ZFPM2: variants seen among roughly 807,000 people sequenced by gnomAD.
The protein encoded by ZFPM2 is zinc finger protein ZFPM2.
Under a neutral mutation model 98.6 loss-of-function variants are expected in ZFPM2, and 20 were observed. The observed-to-expected ratio is 0.20, with a 90% confidence interval of 0.14 to 0.29. The LOEUF is 0.29. ZFPM2 is among the 10% of genes least tolerant of loss of function. The probability of loss-of-function intolerance (pLI) is 1.00; values close to 1 mark genes in which losing one functional copy is unlikely to be tolerated. For synonymous variants in ZFPM2, 518 were observed against 502.7 expected (o/e 1.03, Z -0.41); for missense variants, 1,310 against 1,388.6 (o/e 0.94, Z 0.90).
intron 5 of ZFPM2, among the ~76,000 whole-genome samples, chr8:105,744,102 CG>C (rs1812287442): frequency 1.3e-5 from 2 of 152,006 alleles, no homozygotes; most frequent in African/African-American, 4.8e-5. Context: ...ATAGGCAAAC[CG>C]TGAAAATGAT....
chr8:105,648,904 A>G (rs575674611), intron 5 of ZFPM2, among the ~76,000 whole-genome samples: 1 of 152,254 alleles, frequency 6.6e-6, no homozygotes, highest in African/African-American at 2.4e-5. Flanking sequence ...GTTTTTCCCA[A>G]TTCTGTGAAG....
chr8:105,406,362 G>A (rs1329775221), intron 1 of ZFPM2, among the ~76,000 whole-genome samples: 1 of 151,964 alleles, frequency 6.6e-6, no homozygotes, highest in Non-Finnish European at 1.5e-5. Context: ...CAAGCAATGG[G>A]GAAAGGATTC....
At chr8:105,346,298 C>T (rs1435695072) in intron 1 of ZFPM2, among the ~76,000 whole-genome samples, 5 of 151,580 alleles carry the variant, frequency 3.3e-5, no homozygotes, top group Non-Finnish European at 5.9e-5. Context: ...GCAGGAGAAT[C>T]GCTTGAACCC....
chr8:105,764,833 C>G (rs1812822660), intron 5 of ZFPM2, among the ~76,000 whole-genome samples: 1 of 151,658 alleles, frequency 6.6e-6, no homozygotes, highest in Admixed American at 6.6e-5. Flanking sequence ...AGAAAAAACA[C>G]CAAGTATTTG....
At chr8:105,744,783 T>C (rs977748697) in intron 5 of ZFPM2, among the ~76,000 whole-genome samples, 3 of 152,058 alleles carry the variant, frequency 2.0e-5, no homozygotes, top group African/African-American at 7.2e-5. Context: ...CATGGCACAT[T>C]TGAAAAGCTT....
At chr8:105,692,648 C>T (rs1810914686) in intron 5 of ZFPM2, among the ~76,000 whole-genome samples, 1 of 152,136 alleles carries the variant, frequency 6.6e-6, no homozygotes, top group Non-Finnish European at 1.5e-5. Context: ...TTGGCATTTG[C>T]CTTAGAAATA....
intron 3 of ZFPM2, among the ~76,000 whole-genome samples, chr8:105,538,267 T>A (rs1006992654): frequency 2.6e-5 from 4 of 151,966 alleles, no homozygotes; most frequent in African/African-American, 9.7e-5. Flanking sequence ...TTACTTTATA[T>A]AATTACTTTG....
At chr8:105,348,771 A>C (rs1217906177) in intron 1 of ZFPM2, among the ~76,000 whole-genome samples, 1 of 152,180 alleles carries the variant, frequency 6.6e-6, no homozygotes, top group Non-Finnish European at 1.5e-5. Context: ...GAAAGTCAAC[A>C]TTCCCTTTTG....
chr8:105,575,416 G>T (rs1815445479), intron 4 of ZFPM2, among the ~76,000 whole-genome samples: 2 of 152,156 alleles, frequency 1.3e-5, no homozygotes, highest in Admixed American at 1.3e-4. Context: ...GGGAAAAGAG[G>T]ATTCAAAATG....
intron 2 of ZFPM2, among the ~76,000 whole-genome samples, chr8:105,430,124 T>C (rs1586366230): frequency 2.0e-5 from 3 of 152,288 alleles, no homozygotes; most frequent in East Asian, 3.9e-4. Flanking sequence ...GAAAGATAGT[T>C]CTGACCTTTA....
rs765404652 is a variant in ZFPM2 at position 105,802,180 on chromosome 8, G to A, written c.2098G>A (p.Glu700Lys). 30 of 1,613,772 alleles carry A rather than the reference G, an allele frequency of 1.9e-5. No individual in the cohort carries two copies. The highest frequency in any genetic ancestry group is 2.2e-5 in the Non-Finnish European group (26 of 1,179,872). Residue 700 changes from glutamate to lysine, a missense_variant, in exon 8 of 8, where the codon GAA becomes AAA. By Grantham distance (56) the Glu-to-Lys change is moderately conservative. Transcript: ENST00000407775. The stretch of plus-strand genomic sequence containing the variant: ...TTGCAACATTACCTTCAGCCGGCAC[G>A]AAACATACATGGTCCACAAACAGTA... Reference protein sequence around the residue: ...EACNITFSRHETYMVHKQYYC... With the variant: ...EACNITFSRHKTYMVHKQYYC...
chr8:105,385,524 A>G (rs1343185469), intron 1 of ZFPM2, among the ~76,000 whole-genome samples: 1 of 152,162 alleles, frequency 6.6e-6, no homozygotes, highest in Non-Finnish European at 1.5e-5. Flanking sequence ...GTACTGCTCT[A>G]TCCCAACTTT....
chr8:105,380,673 AT>A (rs1810840983), intron 1 of ZFPM2, among the ~76,000 whole-genome samples: 1 of 26,232 alleles, frequency 3.8e-5, no homozygotes, highest in African/African-American at 2.0e-4. Flanking sequence ...TATAACATAT[AT>A]ATTATATATA....
intron 4 of ZFPM2, among the ~76,000 whole-genome samples, chr8:105,612,283 A>G (rs777029129): frequency 7.9e-5 from 12 of 152,184 alleles, no homozygotes; most frequent in Non-Finnish European, 1.3e-4. Context: ...TTTTTACTAT[A>G]AAATAGCTGA....
intron 1 of ZFPM2, among the ~76,000 whole-genome samples, chr8:105,386,678 A>AC (rs1386886277): frequency 2.6e-5 from 4 of 151,984 alleles, no homozygotes; most frequent in Admixed American, 1.3e-4. Flanking sequence ...GTGGAAGGGG[A>AC]CCCCAGCAGG....
chr8:105,511,577 C>T (rs1247349138), intron 3 of ZFPM2, among the ~76,000 whole-genome samples: 3 of 152,174 alleles, frequency 2.0e-5, no homozygotes, highest in Non-Finnish European at 4.4e-5. Flanking sequence ...AATTTAGACA[C>T]TTTCTGAACT....
At chr8:105,618,088 G>A (rs1226923057) in intron 4 of ZFPM2, among the ~76,000 whole-genome samples, 1 of 151,888 alleles carries the variant, frequency 6.6e-6, no homozygotes, top group Non-Finnish European at 1.5e-5. Flanking sequence ...TTATTAATGA[G>A]GCACCATGTA....
chr8:105,414,676 G>A (rs959895360), intron 1 of ZFPM2, among the ~76,000 whole-genome samples: 9 of 151,214 alleles, frequency 6.0e-5, no homozygotes, highest in Non-Finnish European at 8.8e-5. Flanking sequence ...GCATTTCAGG[G>A]TTTTCTTTAG....
intron 5 of ZFPM2, among the ~76,000 whole-genome samples, chr8:105,771,720 C>G (rs1397340683): frequency 2.0e-5 from 3 of 152,092 alleles, no homozygotes; most frequent in Admixed American, 6.6e-5. Context: ...TCCAAGCTGC[C>G]CTTCCTAACT....
Sources: gnomAD v4.1 joint callset for allele counts (sites outside exome capture counted in the v4.1 genomes callset) on GRCh38, gnomAD v4.1.1 for gene constraint, MANE v1.5 for transcripts, NCBI Gene and HGNC (gene_info 2026-07-23, HGNC 2026-07-21) for gene names.